Variants in DGKB observed in about 807,000 individuals in gnomAD.
DGKB encodes the protein diacylglycerol kinase beta, also known as 90 kDa diacylglycerol kinase.
Under a neutral mutation model 114.3 loss-of-function variants are expected in DGKB, and 67 were observed. The observed-to-expected ratio is 0.59, with a 90% CI of 0.48 to 0.72. The LOEUF (loss-of-function observed/expected upper bound fraction) is 0.72. DGKB is among the 30% of genes least tolerant of loss of function. DGKB has a pLI of 0.00. For synonymous variants in DGKB, 398 were observed against 323.1 expected (o/e 1.23, Z -2.49); for missense variants, 907 against 975.2 (o/e 0.93, Z 0.93).
intron 5 of DGKB, among the ~76,000 whole-genome samples, chr7:14,726,997 G>T (rs1830123215): frequency 6.6e-6 from 1 of 152,176 alleles, no homozygotes; most frequent in Non-Finnish European, 1.5e-5. Context: ...GTTTTTATGA[G>T]TGAAATAATG....
intron 20 of DGKB, among the ~76,000 whole-genome samples, chr7:14,558,341 GA>G (rs1160903555): frequency 2.0e-5 from 3 of 151,576 alleles, no homozygotes; most frequent in African/African-American, 7.3e-5. Context: ...TTCTTCTGAG[GA>G]TGCCTTTCAC....
At chr7:14,918,887 C>T (rs1013991272) in intron 1 of DGKB, among the ~76,000 whole-genome samples, 5 of 151,926 alleles carry the variant, frequency 3.3e-5, no homozygotes, top group Admixed American at 2.6e-4. Flanking sequence ...CACGGTGAAA[C>T]CCCGCCTCTA....
chr7:14,584,181 GATT>G (rs1416395322), intron 17 of DGKB, among the ~76,000 whole-genome samples: 3 of 152,222 alleles, frequency 2.0e-5, no homozygotes, highest in East Asian at 3.9e-4. Flanking sequence ...CATTCTGTCA[GATT>G]ATTATTTTTA....
intron 2 of DGKB, among the ~76,000 whole-genome samples, chr7:14,784,120 T>C (rs1222086283): frequency 1.3e-5 from 2 of 152,134 alleles, no homozygotes; most frequent in Admixed American, 6.5e-5. Flanking sequence ...ATTCTTGAAG[T>C]AAATATAATT....
chr7:14,830,375 A>ATGT (rs200897965), intron 2 of DGKB, among the ~76,000 whole-genome samples: 1 of 151,680 alleles, frequency 6.6e-6, no homozygotes, highest in Admixed American at 6.6e-5. Flanking sequence ...AAATAATTTA[A>ATGT]TAGGCAGAAA....
intron 17 of DGKB, among the ~76,000 whole-genome samples, chr7:14,593,584 A>C (rs1291532189): frequency 6.6e-6 from 1 of 151,958 alleles, no homozygotes; most frequent in African/African-American, 2.4e-5. Context: ...TTGTAAATAT[A>C]TTTGTTAAAA....
At chr7:14,726,253 C>T (rs1830014391) in intron 5 of DGKB, among the ~76,000 whole-genome samples, 1 of 152,072 alleles carries the variant, frequency 6.6e-6, no homozygotes, top group African/African-American at 2.4e-5. Context: ...GATTCTCCTG[C>T]CTCAGCCTCC....
chr7:14,648,111 T>G (rs1352347092), intron 13 of DGKB, among the ~76,000 whole-genome samples: 2 of 152,132 alleles, frequency 1.3e-5, no homozygotes, highest in African/African-American at 4.8e-5. Context: ...TAAACAAAGC[T>G]GCCAGGAAGC....
At position 14,624,173 on chromosome 7, in the gene DGKB, C is replaced by T. The variant is rs191708386; in HGVS notation, c.1168-2679G>A. On this transcript the variant is annotated intron_variant, in intron 14 of 25. Coordinates refer to ENST00000402815, the MANE Select transcript of DGKB (RefSeq NM_001350709.2). ...ACATATTTAAAATTTAAAAGTTCAA[C>T]GCTTATATTTGAAAATGCATAGCTT... 2.7e-4 allele frequency among the ~76,000 whole-genome samples: 41 copies of T among 152,158 alleles called. No individual in the cohort carries two copies. In the South Asian group the frequency reaches 6.2e-3, roughly 23 times the overall value.
At chr7:14,922,749 G>T (rs1481884102) in intron 1 of DGKB, among the ~76,000 whole-genome samples, 1 of 152,046 alleles carries the variant, frequency 6.6e-6, no homozygotes, top group Non-Finnish European at 1.5e-5. Context: ...TAATAATTGA[G>T]TATATTTATG....
At chr7:14,174,402 GACATTCTAAGA>G (rs576876025) in intron 25 of DGKB, among the ~76,000 whole-genome samples, 198 of 152,226 alleles carry the variant, frequency 1.3e-3, no homozygotes, top group African/African-American at 4.5e-3. Flanking sequence ...GGATGTACAG[GACATTCTAAGA>G]ACTTTTTTTA....
chr7:14,585,544 C>T (rs1258675694), intron 17 of DGKB, among the ~76,000 whole-genome samples: 1 of 152,190 alleles, frequency 6.6e-6, no homozygotes, highest in Admixed American at 6.5e-5. Context: ...ATACCACTTA[C>T]ATGTCTTTTA....
intron 2 of DGKB, among the ~76,000 whole-genome samples, chr7:14,828,920 AT>A (rs1181430912): frequency 2.0e-5 from 3 of 152,108 alleles, no homozygotes; most frequent in African/African-American, 7.2e-5. Flanking sequence ...GCCAGAGGAG[AT>A]CAGAGAAGTG....
intron 17 of DGKB, among the ~76,000 whole-genome samples, chr7:14,595,283 G>T (rs1254183742): frequency 6.6e-6 from 1 of 152,038 alleles, no homozygotes; most frequent in Non-Finnish European, 1.5e-5. Context: ...CAGTGGGAAT[G>T]AGAAAGCGGT....
intron 23 of DGKB, among the ~76,000 whole-genome samples, chr7:14,245,158 A>G (rs2128376050): frequency 6.6e-6 from 1 of 151,644 alleles, no homozygotes; most frequent in Non-Finnish European, 1.5e-5. Context: ...AAATGTGCAT[A>G]TGTACACATA....
intron 23 of DGKB, among the ~76,000 whole-genome samples, chr7:14,252,247 C>T (rs1480010998): frequency 1.3e-5 from 2 of 152,096 alleles, no homozygotes; most frequent in Non-Finnish European, 2.9e-5. Flanking sequence ...TGCTGTTGAA[C>T]CCTTGTGGCT....
rs187189248 is a variant in DGKB at position 14,151,727 on chromosome 7, C to T, written c.2305-2489G>A. Among the ~76,000 whole-genome samples the T allele has an allele frequency of 3.3e-5, 5 of 152,198 alleles. No homozygotes were observed. The East Asian group carries it at 7.7e-4, about 24-fold the overall frequency. ...TTATTTCTGCAAAAAATGAAATCCA[C>T]ATCCTTTTTGTCTGTTGTTTATGGA... On this transcript the variant is annotated intron_variant, in intron 25 of 25. Transcript: ENST00000402815.
chr7:14,946,326 T>G (rs181046945), intron 1 of DGKB, among the ~76,000 whole-genome samples: 1 of 151,740 alleles, frequency 6.6e-6, no homozygotes, highest in African/African-American at 2.4e-5. Context: ...GACCAAGGCT[T>G]GAAGAGAAAA....
chr7:14,720,473 T>TTTTGTGTGTGTG (rs1554620225), intron 5 of DGKB, among the ~76,000 whole-genome samples: 2 of 136,560 alleles, frequency 1.5e-5, no homozygotes, highest in African/African-American at 5.7e-5. Flanking sequence ...CCCGGCTGAT[T>TTTTGTGTGTGTG]TGTGTGTGTG....
Sources: gnomAD v4.1 joint callset for allele counts (sites outside exome capture counted in the v4.1 genomes callset) on GRCh38, gnomAD v4.1.1 for gene constraint, MANE v1.5 for transcripts, NCBI Gene and HGNC (gene_info 2026-07-23, HGNC 2026-07-21) for gene names.